PGM5: variants seen among roughly 807,000 people sequenced by gnomAD.
The protein encoded by PGM5 is phosphoglucomutase-like protein 5.
Under a neutral mutation model 59.2 loss-of-function variants are expected in PGM5, and 23 were observed. That is an observed-to-expected ratio of 0.39 (90% CI 0.28 to 0.55). The LOEUF (loss-of-function observed/expected upper bound fraction) is 0.55. Among genes scored for constraint, PGM5 ranks in the 20% least tolerant of loss-of-function variants. The pLI is 0.66. For missense variants in PGM5, 574 were observed against 748.3 expected (o/e 0.77, Z 2.72); for synonymous variants, 214 against 286.0 (o/e 0.75, Z 2.54).
chr9:68,479,375 T>A (rs1554686917), intron 7 of PGM5, 43 bp from the exon 8 acceptor site: 1 of 1,571,890 alleles, frequency 6.4e-7, no homozygotes, highest in Admixed American at 2.0e-5. Context: ...TTTGCTTTGC[T>A]CCCACAAATG....
chr9:68,402,682 C>T (rs1295420599), intron 6 of PGM5, among the ~76,000 whole-genome samples: 2 of 152,182 alleles, frequency 1.3e-5, no homozygotes, highest in East Asian at 3.9e-4. Context: ...CCCAGCCTAA[C>T]TCTCAATCAT....
chr9:68,411,568 A>T (rs1427521945), intron 6 of PGM5, among the ~76,000 whole-genome samples: 1 of 151,316 alleles, frequency 6.6e-6, no homozygotes, highest in East Asian at 1.9e-4. Flanking sequence ...TGAAAATGTC[A>T]TTACTTTTGG....
intron 6 of PGM5, among the ~76,000 whole-genome samples, chr9:68,440,070 A>G (rs1823502514): frequency 6.6e-6 from 1 of 152,220 alleles, no homozygotes; most frequent in Non-Finnish European, 1.5e-5. Context: ...TTTAAAGTAC[A>G]TAAGCAAAAA....
intron 10 of PGM5, among the ~76,000 whole-genome samples, chr9:68,517,072 C>A (rs1387464858): frequency 6.7e-6 from 1 of 149,294 alleles, no homozygotes; most frequent in Admixed American, 6.7e-5. Flanking sequence ...TAAATAGAGA[C>A]GGGGTTTCTC....
At chr9:68,455,972 G>GT (rs1554684789) in intron 6 of PGM5, among the ~76,000 whole-genome samples, 1 of 152,200 alleles carries the variant, frequency 6.6e-6, no homozygotes, top group East Asian at 1.9e-4. Flanking sequence ...GTTTGTCGCT[G>GT]TAGAAATAAA....
chr9:68,411,469 TGTGTG>T (rs1384230204), intron 6 of PGM5, among the ~76,000 whole-genome samples: 1 of 129,290 alleles, frequency 7.7e-6, no homozygotes, highest in East Asian at 5.6e-4. Context: ...AAATATATAA[TGTGTG>T]TGTGTGTGTG....
At chr9:68,455,515 A>AAC (rs1823760772) in intron 6 of PGM5, among the ~76,000 whole-genome samples, 1 of 152,174 alleles carries the variant, frequency 6.6e-6, no homozygotes, top group Non-Finnish European at 1.5e-5. Flanking sequence ...TAAAAAAAAA[A>AAC]AAAAACAGGA....
chr9:68,487,620 A>G (rs546488716), intron 9 of PGM5, among the ~76,000 whole-genome samples: 1 of 152,278 alleles, frequency 6.6e-6, no homozygotes, highest in Non-Finnish European at 1.5e-5. Context: ...GCTCAGATTG[A>G]TGATCCCAAG....
At chr9:68,525,284 C>G (rs755357961) in intron 10 of PGM5, among the ~76,000 whole-genome samples, 1 of 152,184 alleles carries the variant, frequency 6.6e-6, no homozygotes, top group Non-Finnish European at 1.5e-5. Flanking sequence ...TTCATTTACT[C>G]CACAAAGATG....
chr9:68,423,928 G>A (rs1377647399), intron 6 of PGM5, among the ~76,000 whole-genome samples: 3 of 152,114 alleles, frequency 2.0e-5, no homozygotes, highest in African/African-American at 7.2e-5. Context: ...GGAAGACTGG[G>A]CTGAATTTGA....
chr9:68,455,411 T>G (rs1823758826), intron 6 of PGM5, among the ~76,000 whole-genome samples: 2 of 151,628 alleles, frequency 1.3e-5, no homozygotes, highest in African/African-American at 4.8e-5. Context: ...CCAGGACTGA[T>G]GAATTCTTTT....
At chr9:68,503,300 G>GCTTA (rs1348625631) in intron 10 of PGM5, among the ~76,000 whole-genome samples, 1 of 152,160 alleles carries the variant, frequency 6.6e-6, no homozygotes, top group Non-Finnish European at 1.5e-5. Context: ...TCACAGCTTA[G>GCTTA]CTTAGCCTAC....
chr9:68,504,365 C>T (rs1295725267), intron 10 of PGM5, among the ~76,000 whole-genome samples: 2 of 152,146 alleles, frequency 1.3e-5, no homozygotes, highest in African/African-American at 4.8e-5. Context: ...AGAATCCTCC[C>T]CTCCACCTCA....
chr9:68,517,047 CT>C (rs781374136), intron 10 of PGM5, among the ~76,000 whole-genome samples: 618 of 139,152 alleles, frequency 4.4e-3, no homozygotes, highest in Middle Eastern at 0.011. Flanking sequence ...AATTTTTTGT[CT>C]TTTTTTTTTT....
chr9:68,380,406 T>C (rs1554678225), intron 2 of PGM5, among the ~76,000 whole-genome samples: 1 of 151,756 alleles, frequency 6.6e-6, no homozygotes, highest in Non-Finnish European at 1.5e-5. Context: ...TTAATGACAA[T>C]GGAAACACAA....
chr9:68,482,134 G>A (rs901216857), intron 8 of PGM5, among the ~76,000 whole-genome samples: 6 of 152,126 alleles, frequency 3.9e-5, no homozygotes, highest in African/African-American at 1.4e-4. Context: ...GATCCTGCTT[G>A]TATATGAAGG....
chr9:68,492,673 T>C (rs1824412306), intron 9 of PGM5, among the ~76,000 whole-genome samples: 3 of 152,204 alleles, frequency 2.0e-5, no homozygotes, highest in African/African-American at 7.2e-5. Flanking sequence ...GGGGGGCACC[T>C]GTTTTTAACT....
At position 68,529,714 on chromosome 9, in the gene PGM5, T is replaced by A. The variant is rs1459526463; in HGVS notation, c.*58T>A. ...GAGTGCTCAGCGGGAGATGCTTCACTGATGCCTTCTTGCTACCTGTTTGTG... is the reference window on the plus strand; with the variant it reads ...GAGTGCTCAGCGGGAGATGCTTCACAGATGCCTTCTTGCTACCTGTTTGTG... On this transcript the variant is annotated 3_prime_UTR_variant, in exon 11 of 11. Coordinates refer to ENST00000396396, the MANE Select transcript of PGM5 (RefSeq NM_021965.4). 1 of 1,057,714 alleles carries A rather than the reference T, an allele frequency of 9.5e-7. No individual in the cohort carries two copies. The highest frequency in any genetic ancestry group is 1.4e-6 in the Non-Finnish European group (1 of 727,612). The allele number at this position is 1,057,714 out of a possible 1,614,324, so 65.5% of individuals were successfully genotyped here.
chr9:68,522,633 A>T (rs1417859515), intron 10 of PGM5, among the ~76,000 whole-genome samples: 1 of 152,218 alleles, frequency 6.6e-6, no homozygotes, highest in Non-Finnish European at 1.5e-5. Context: ...TTGAGTGTTT[A>T]TCTTATTAAT....
Sources: gnomAD v4.1 joint callset for allele counts (sites outside exome capture counted in the v4.1 genomes callset) on GRCh38, gnomAD v4.1.1 for gene constraint, MANE v1.5 for transcripts, NCBI Gene and HGNC (gene_info 2026-07-23, HGNC 2026-07-21) for gene names.